Variants in NFIB observed in about 807,000 individuals in gnomAD.
NFIB encodes the protein nuclear factor 1 B-type.
In NFIB, 11 loss-of-function variants were observed where a neutral mutation model predicts 61.5. The observed-to-expected ratio is 0.18, with a 90% confidence interval of 0.11 to 0.30. The LOEUF is 0.30. NFIB is among the 10% of genes least tolerant of loss of function. NFIB has a pLI of 1.00. For missense variants in NFIB, 471 were observed against 608.9 expected (o/e 0.77, Z 2.38); for synonymous variants, 260 against 216.5 (o/e 1.20, Z -1.76).
At chr9:14,487,794 C>T in the NFIB span, among the ~76,000 whole-genome samples, 1 of 152,162 alleles carries the variant, frequency 6.6e-6, no homozygotes, top group Non-Finnish European at 1.5e-5. Flanking sequence ...AAATATCTTC[C>T]TTTTGAATTT....
the NFIB span, among the ~76,000 whole-genome samples, chr9:14,432,728 G>A: frequency 9.6e-4 from 146 of 152,298 alleles, 1 homozygote; most frequent in African/African-American, 3.3e-3. Flanking sequence ...GCCATATTTA[G>A]GAAGAGGAGA....
At chr9:14,184,709 A>G (rs2047153177) in intron 2 of NFIB, among the ~76,000 whole-genome samples, 1 of 152,204 alleles carries the variant, frequency 6.6e-6, no homozygotes, top group Non-Finnish European at 1.5e-5. Context: ...TTTGTAGGTC[A>G]TTAATGTAAA....
chr9:14,470,143 C>G, the NFIB span, among the ~76,000 whole-genome samples: 1 of 152,150 alleles, frequency 6.6e-6, no homozygotes, highest in Admixed American at 6.5e-5. Flanking sequence ...TATGGGTTGT[C>G]ATGAGGACTA....
At chr9:14,280,550 C>T (rs1044789215) in intron 2 of NFIB, among the ~76,000 whole-genome samples, 7 of 152,106 alleles carry the variant, frequency 4.6e-5, no homozygotes, top group Non-Finnish European at 1.0e-4. Context: ...ATTAGTGCTC[C>T]TGTGGTCAGT....
In NFIB at chr9:14,313,417, A is replaced by C. The variant is rs2132757734; in HGVS notation, c.30+65T>G. The C allele has an allele frequency of 2.5e-6, 4 of 1,607,700 alleles. No homozygotes were observed. The highest frequency in any genetic ancestry group is 1.7e-4 in the Middle Eastern group (1 of 6,050). ...TTAACTCAAGCCGCTAATTGTCCGC[A>C]ACAAAACAAAACAAAGGCATTTCGG... On this transcript the variant is annotated intron_variant, in intron 1 of 10. Coordinates refer to ENST00000380953, the MANE Select transcript of NFIB (RefSeq NM_001190737.2). This position sits in a 1 kb window ranked among gnomAD's most constrained non-coding sequence, Gnocchi z 4.5.
intron 2 of NFIB, among the ~76,000 whole-genome samples, chr9:14,222,628 C>A (rs1213068500): frequency 1.3e-5 from 2 of 151,540 alleles, no homozygotes; most frequent in Admixed American, 6.6e-5. Flanking sequence ...CAAAGTGAGA[C>A]CCCATTGCTA....
intron 1 of NFIB, among the ~76,000 whole-genome samples, chr9:14,378,023 C>T (rs969568016): frequency 5.7e-4 from 87 of 152,062 alleles, no homozygotes; most frequent in African/African-American, 1.9e-3. Flanking sequence ...GATTAACTAG[C>T]TAGGATCAGC....
the NFIB span, among the ~76,000 whole-genome samples, chr9:14,466,465 G>A: frequency 2.0e-5 from 3 of 152,114 alleles, no homozygotes; most frequent in East Asian, 3.9e-4. Context: ...TGGGCTCTGC[G>A]TTTGACATTC....
At chr9:14,100,401 C>G (rs1025715374) in intron 10 of NFIB, among the ~76,000 whole-genome samples, 1 of 152,088 alleles carries the variant, frequency 6.6e-6, no homozygotes, top group Non-Finnish European at 1.5e-5. Context: ...CATGGGCTAT[C>G]AAGTTTTTAT....
the NFIB span, among the ~76,000 whole-genome samples, chr9:14,467,839 G>A: frequency 6.6e-6 from 1 of 152,138 alleles, no homozygotes; most frequent in Admixed American, 6.5e-5. Context: ...AATGTATATG[G>A]AAGACACTGT....
chr9:14,320,503 C>G (rs2060635924), intron 1 of NFIB, among the ~76,000 whole-genome samples: 2 of 152,128 alleles, frequency 1.3e-5, no homozygotes, highest in Non-Finnish European at 2.9e-5. Flanking sequence ...TAAATGAAAA[C>G]ATCAAACCTC....
the NFIB span, among the ~76,000 whole-genome samples, chr9:14,453,307 G>C: frequency 3.3e-5 from 5 of 152,342 alleles, no homozygotes; most frequent in South Asian, 1.0e-3. Context: ...AGTCTGTCAT[G>C]TTTGAAGATC....
At chr9:14,283,403 C>A (rs2058506425) in intron 2 of NFIB, among the ~76,000 whole-genome samples, 1 of 152,202 alleles carries the variant, frequency 6.6e-6, no homozygotes, top group Non-Finnish European at 1.5e-5. Flanking sequence ...GTGTCTGTAT[C>A]CACTTTATCT....
At chr9:14,238,573 G>C (rs942015460) in intron 2 of NFIB, among the ~76,000 whole-genome samples, 1 of 152,144 alleles carries the variant, frequency 6.6e-6, no homozygotes, top group Admixed American at 6.5e-5. Context: ...TTACAGAACA[G>C]CATCGAGTAC....
intron 1 of NFIB, among the ~76,000 whole-genome samples, chr9:14,372,621 A>C: frequency 6.6e-6 from 1 of 152,088 alleles, no homozygotes; most frequent in East Asian, 1.9e-4. Flanking sequence ...ACACTGACCC[A>C]TCTTGGCTCA....
At chr9:14,396,462 C>G (rs1443596450) in intron 1 of NFIB, among the ~76,000 whole-genome samples, 5 of 152,086 alleles carry the variant, frequency 3.3e-5, no homozygotes, top group African/African-American at 9.7e-5. Flanking sequence ...CTGAAATGAA[C>G]AGTGGGGCCC....
chr9:14,252,278 T>C (rs2055717872), intron 2 of NFIB, among the ~76,000 whole-genome samples: 1 of 152,198 alleles, frequency 6.6e-6, no homozygotes. Flanking sequence ...TTAAAAACCT[T>C]GAAATATTTT....
intron 1 of NFIB, among the ~76,000 whole-genome samples, chr9:14,332,330 CAA>C (rs5896627): frequency 9.0e-4 from 97 of 108,062 alleles, no homozygotes; most frequent in African/African-American, 3.0e-3. Context: ...GAGACTCCGT[CAA>C]AAAAAAAAAA....
intron 6 of NFIB, among the ~76,000 whole-genome samples, chr9:14,141,066 T>A (rs570834861): frequency 1.3e-5 from 2 of 152,308 alleles, no homozygotes; most frequent in African/African-American, 4.8e-5. Context: ...CCTTGGGCCC[T>A]CTGGCTTAAT....
Sources: gnomAD v4.1 joint callset for allele counts (sites outside exome capture counted in the v4.1 genomes callset) on GRCh38, gnomAD v4.1.1 for gene constraint, Gnocchi (gnomAD v3.1) non-coding constraint, MANE v1.5 for transcripts, NCBI Gene and HGNC (gene_info 2026-07-23, HGNC 2026-07-21) for gene names.